Variants in KHDRBS3 observed in about 807,000 individuals in gnomAD.
The protein encoded by KHDRBS3 is KH RNA binding domain containing, signal transduction associated 3.
A neutral mutation model predicts 45.6 loss-of-function variants in KHDRBS3; 23 were observed. The observed-to-expected ratio is 0.50, with a 90% CI of 0.36 to 0.72. The LOEUF (loss-of-function observed/expected upper bound fraction) is 0.72. KHDRBS3 is among the 30% of genes least tolerant of loss of function. KHDRBS3 has a pLI of 0.00. For synonymous variants in KHDRBS3, 162 were observed against 156.5 expected (o/e 1.04, Z -0.26); for missense variants, 352 against 424.8 (o/e 0.83, Z 1.51).
intron 2 of KHDRBS3, chr8:135,540,460 A>T (rs912803851): frequency 3.3e-5 from 5 of 152,244 alleles, no homozygotes; most frequent in African/African-American, 1.2e-4. Flanking sequence ...CTCATCTTAT[A>T]AAACCAGGCA....
In KHDRBS3 at chr8:135,481,223, GATATATATATATAT is replaced by G. The variant is rs10529846; in HGVS notation, c.88+23284_88+23297del. On this transcript the variant is annotated intron_variant, in intron 1 of 8. Coordinates refer to ENST00000355849, the MANE Select transcript of KHDRBS3 (RefSeq NM_006558.3). ...TTCTTGTCTGATTCATGAAAGCCAC[GATATATATATATAT>G]ATATATATATATATTTAATGTAAGC... Among the ~76,000 whole-genome samples the G allele has an allele frequency of 6.3e-4, 49 of 77,408 alleles. 1 individual carries two copies. Among genetic ancestry groups the G allele is most frequent in the African/African-American group, 2.3e-3 (48 of 20,624 alleles). 50.8% of individuals were successfully genotyped at this position (77,408 alleles called of 152,430 possible).
chr8:135,619,828 C>G (rs1233610026), intron 7 of KHDRBS3, among the ~76,000 whole-genome samples: 1 of 152,110 alleles, frequency 6.6e-6, no homozygotes, highest in East Asian at 1.9e-4. Context: ...TAATGATTGC[C>G]CCTTGGATTC....
At chr8:135,473,015 C>G (rs971216392) in intron 1 of KHDRBS3, among the ~76,000 whole-genome samples, 1 of 147,454 alleles carries the variant, frequency 6.8e-6, no homozygotes, top group African/African-American at 2.5e-5. Context: ...TAAATTACAC[C>G]TAAAACTGTT....
intron 7 of KHDRBS3, among the ~76,000 whole-genome samples, chr8:135,639,381 A>G (rs1041491318): frequency 2.0e-5 from 3 of 152,174 alleles, no homozygotes; most frequent in African/African-American, 7.2e-5. Flanking sequence ...GGAGCCAGAA[A>G]GTTGAGAGGC....
At chr8:135,553,559 G>A (rs1442430892) in intron 4 of KHDRBS3, among the ~76,000 whole-genome samples, 1 of 152,064 alleles carries the variant, frequency 6.6e-6, no homozygotes. Context: ...TGAACATTGA[G>A]GTTACTTCTT....
intron 5 of KHDRBS3, among the ~76,000 whole-genome samples, chr8:135,558,221 C>G (rs1826985486): frequency 6.6e-6 from 1 of 152,108 alleles, no homozygotes; most frequent in Admixed American, 6.5e-5. Flanking sequence ...CTGAGCTGGT[C>G]TAGGCACACA....
chr8:135,557,734 A>G (rs1004433962), intron 5 of KHDRBS3, 147 bp downstream of exon 5: 4 of 656,244 alleles, frequency 6.1e-6, no homozygotes, highest in Non-Finnish European at 8.0e-6. Context: ...CTACTCGGGA[A>G]TCTGAGGCCA....
chr8:135,559,355 T>C (rs1309870906), intron 5 of KHDRBS3, among the ~76,000 whole-genome samples: 1 of 152,142 alleles, frequency 6.6e-6, no homozygotes, highest in East Asian at 1.9e-4. Flanking sequence ...TTATTTTGTT[T>C]ATTTATTTAT....
chr8:135,558,466 ATCTC>A (rs1384874148), intron 5 of KHDRBS3, among the ~76,000 whole-genome samples: 6 of 152,198 alleles, frequency 3.9e-5, no homozygotes, highest in African/African-American at 1.4e-4. Flanking sequence ...ATTCTTGTAT[ATCTC>A]TAAGTTTATT....
chr8:135,640,517 A>G (rs752581467), intron 7 of KHDRBS3, among the ~76,000 whole-genome samples: 3 of 152,172 alleles, frequency 2.0e-5, no homozygotes, highest in Non-Finnish European at 4.4e-5. Context: ...CTTGACACCT[A>G]TCAGGAGAGG....
At chr8:135,508,390 T>C (rs1183377593) in intron 1 of KHDRBS3, among the ~76,000 whole-genome samples, 1 of 151,714 alleles carries the variant, frequency 6.6e-6, no homozygotes, top group Non-Finnish European at 1.5e-5. Context: ...AGGAAATGGG[T>C]TTTATAATGA....
chr8:135,524,485 A>T (rs571042561), intron 2 of KHDRBS3, among the ~76,000 whole-genome samples: 2 of 152,314 alleles, frequency 1.3e-5, no homozygotes, highest in Admixed American at 6.5e-5. Context: ...CTGGAGTTTG[A>T]TAATGAATTC....
At chr8:135,552,847 A>G (rs1027169984) in intron 4 of KHDRBS3, among the ~76,000 whole-genome samples, 1 of 152,112 alleles carries the variant, frequency 6.6e-6, no homozygotes, top group Non-Finnish European at 1.5e-5. Context: ...GCTCGTGTTC[A>G]GACAGCTGTG....
Position 135,572,228 on chromosome 8 carries a change from GT to G in KHDRBS3, c.612-9649del, listed in dbSNP as rs1271807995. ...TGCTAAAAATCAGAATTGGAAGACA[GT>G]GGGTGATACAGGCTTCAAAATAAAT... is the stretch of plus-strand genomic sequence containing the variant. On this transcript the variant is annotated intron_variant, in intron 5 of 8. Coordinates refer to ENST00000355849, the MANE Select transcript of KHDRBS3 (RefSeq NM_006558.3). Among the ~76,000 whole-genome samples the G allele has an allele frequency of 1.6e-3, 251 of 152,312 alleles. 1 individual carries two copies. The highest frequency in any genetic ancestry group is 5.4e-3 in the African/African-American group (225 of 41,568).
At chr8:135,509,810 A>G (rs1460750509) in intron 1 of KHDRBS3, among the ~76,000 whole-genome samples, 4 of 152,158 alleles carry the variant, frequency 2.6e-5, no homozygotes, top group African/African-American at 9.7e-5. Flanking sequence ...TAAGAATTGT[A>G]CAAAATTTTA....
chr8:135,653,192 G>C (rs1281716792), intron 4 of KHDRBS3, among the ~76,000 whole-genome samples: 1 of 152,138 alleles, frequency 6.6e-6, no homozygotes, highest in Non-Finnish European at 1.5e-5. Flanking sequence ...CTAGATTTCT[G>C]TTCTGCTTGT....
At chr8:135,540,311 C>T (rs553552406) in intron 2 of KHDRBS3, 1 of 152,214 alleles carries the variant, frequency 6.6e-6, no homozygotes, top group East Asian at 1.9e-4. Context: ...CAACCAGAAA[C>T]ATGTTCATTA....
intron 5 of KHDRBS3, among the ~76,000 whole-genome samples, chr8:135,565,905 C>A (rs577412809): frequency 1.3e-5 from 2 of 152,152 alleles, no homozygotes; most frequent in African/African-American, 2.4e-5. Context: ...TAGTCATTAC[C>A]CAGTAACTTC....
At chr8:135,497,795 G>T (rs966433292) in intron 1 of KHDRBS3, among the ~76,000 whole-genome samples, 1 of 152,046 alleles carries the variant, frequency 6.6e-6, no homozygotes, top group Non-Finnish European at 1.5e-5. Flanking sequence ...TTTTACAAAT[G>T]AATAAAGTGT....
Sources: allele counts gnomAD v4.1 joint callset (sites outside exome capture counted in the v4.1 genomes callset), GRCh38; gene constraint gnomAD v4.1.1; transcripts MANE v1.5; gene names NCBI Gene and HGNC (gene_info 2026-07-23, HGNC 2026-07-21).